Variants in CDH18 observed in about 807,000 individuals in gnomAD.
The protein encoded by CDH18 is cadherin-18.
CDH18 carries 31 observed loss-of-function variants against 67.9 expected under a neutral mutation model. The ratio of observed to expected loss-of-function variants is 0.46; its 90% confidence interval spans 0.34 to 0.62. The LOEUF is 0.62. Among genes scored for constraint, CDH18 ranks in the 20% least tolerant of loss-of-function variants. CDH18 has a pLI of 0.01. For synonymous variants in CDH18, 362 were observed against 347.2 expected (o/e 1.04, Z -0.48); for missense variants, 890 against 975.5 (o/e 0.91, Z 1.17).
intron 8 of CDH18, among the ~76,000 whole-genome samples, chr5:19,550,772 T>C (rs1737293262): frequency 6.6e-6 from 1 of 152,190 alleles, no homozygotes; most frequent in South Asian, 2.1e-4. Context: ...CCTTTGGGTA[T>C]ATACCCAGTA....
chr5:20,371,669 A>G (rs1016189989), intron 1 of CDH18, among the ~76,000 whole-genome samples: 1 of 152,234 alleles, frequency 6.6e-6, no homozygotes, highest in Non-Finnish European at 1.5e-5. Flanking sequence ...AGACATAAGA[A>G]CGTTCACATG....
intron 1 of CDH18, among the ~76,000 whole-genome samples, chr5:20,257,830 A>C (rs560671895): frequency 2.6e-5 from 4 of 152,262 alleles, no homozygotes; most frequent in African/African-American, 9.6e-5. Flanking sequence ...TGTGTGCCTA[A>C]TGTTTTAAAA....
At chr5:20,116,511 C>A (rs60298879) in intron 2 of CDH18, among the ~76,000 whole-genome samples, 1 of 150,132 alleles carries the variant, frequency 6.7e-6, no homozygotes, top group African/African-American at 2.5e-5. Flanking sequence ...GAGAGACTCC[C>A]TCTTAAAAAA....
intron 3 of CDH18, among the ~76,000 whole-genome samples, chr5:19,776,901 C>T (rs1285513995): frequency 6.6e-6 from 1 of 152,144 alleles, no homozygotes; most frequent in Non-Finnish European, 1.5e-5. Context: ...AATCACTCAT[C>T]ATTATGTCCA....
intron 5 of CDH18, among the ~76,000 whole-genome samples, chr5:19,636,646 A>G (rs1380923696): frequency 6.6e-6 from 1 of 151,846 alleles, no homozygotes; most frequent in African/African-American, 2.4e-5. Context: ...TATAAAGATA[A>G]AAAATATTTA....
chr5:20,171,906 G>T (rs1736747055), intron 2 of CDH18, among the ~76,000 whole-genome samples: 2 of 150,560 alleles, frequency 1.3e-5, no homozygotes, highest in South Asian at 4.2e-4. Context: ...TTTATATGGT[G>T]TAAGGAAAGG....
At chr5:20,420,543 T>A (rs1394331599) in intron 1 of CDH18, among the ~76,000 whole-genome samples, 4 of 151,334 alleles carry the variant, frequency 2.6e-5, no homozygotes, top group Middle Eastern at 6.8e-3. Context: ...GATAAATACT[T>A]GTGAAATAAA....
intron 2 of CDH18, among the ~76,000 whole-genome samples, chr5:20,117,472 T>C (rs573290749): frequency 2.0e-5 from 3 of 152,190 alleles, no homozygotes; most frequent in Non-Finnish European, 4.4e-5. Flanking sequence ...AATCTGACCT[T>C]TACAATACAG....
chr5:20,316,689 A>G (rs536744278), intron 1 of CDH18, among the ~76,000 whole-genome samples: 1 of 152,174 alleles, frequency 6.6e-6, no homozygotes, highest in Non-Finnish European at 1.5e-5. Context: ...CAGAAAGGAG[A>G]TGGTAGAAGA....
At chr5:19,727,505 G>A (rs1267888410) in intron 4 of CDH18, among the ~76,000 whole-genome samples, 1 of 152,170 alleles carries the variant, frequency 6.6e-6, no homozygotes, top group African/African-American at 2.4e-5. Context: ...TCTGTTCAGA[G>A]AGAACAAACT....
intron 3 of CDH18, among the ~76,000 whole-genome samples, chr5:19,775,184 G>A (rs1774211824): frequency 6.6e-6 from 1 of 152,152 alleles, no homozygotes. Flanking sequence ...AAGCCATGGT[G>A]AAGATGAGGA....
intron 2 of CDH18, among the ~76,000 whole-genome samples, chr5:20,088,757 T>C (rs979793887): frequency 1.3e-5 from 2 of 152,196 alleles, no homozygotes; most frequent in Non-Finnish European, 2.9e-5. Flanking sequence ...GCTGAAAGCA[T>C]GCTAACAAAT....
chr5:19,694,697 G>A (rs1762323232), intron 5 of CDH18, among the ~76,000 whole-genome samples: 1 of 150,830 alleles, frequency 6.6e-6, no homozygotes, highest in South Asian at 2.1e-4. Context: ...TTATTTTTTT[G>A]TTCCTATTGT....
chr5:19,939,992 T>C (rs76932286), intron 2 of CDH18, among the ~76,000 whole-genome samples: 2 of 151,984 alleles, frequency 1.3e-5, no homozygotes, highest in East Asian at 3.9e-4. Flanking sequence ...ATAGTTCCTA[T>C]TTTAACAAGT....
intron 2 of CDH18, among the ~76,000 whole-genome samples, chr5:20,023,019 A>G (rs2150436678): frequency 6.6e-6 from 1 of 152,304 alleles, no homozygotes; most frequent in South Asian, 2.1e-4. Context: ...TATTTGATAC[A>G]CATTTCTTTC....
rs116065990 is a variant in CDH18 at position 19,606,746 on chromosome 5, T to C, written c.811+5688A>G. 7.1e-3 allele frequency among the ~76,000 whole-genome samples: 1,084 copies of C among 151,822 alleles called. 13 individuals are homozygous for C. Among genetic ancestry groups the C allele is most frequent in the African/African-American group, 0.025 (1,026 of 41,498 alleles). On this transcript the variant is annotated intron_variant, in intron 6 of 12. Transcript: ENST00000382275. ...CTTTGTAGAACTAATAGAAAAGAAGTGAGAAAATGAGGTCGAAGAAATACT... is the reference window on the plus strand; with the variant it reads ...CTTTGTAGAACTAATAGAAAAGAAGCGAGAAAATGAGGTCGAAGAAATACT...
At chr5:19,961,711 C>T (rs1796922555) in intron 2 of CDH18, among the ~76,000 whole-genome samples, 1 of 151,836 alleles carries the variant, frequency 6.6e-6, no homozygotes, top group African/African-American at 2.4e-5. Context: ...TGTCTGTTGC[C>T]TGTTGTCTTT....
At chr5:19,553,128 C>A (rs1737761378) in intron 8 of CDH18, among the ~76,000 whole-genome samples, 1 of 152,116 alleles carries the variant, frequency 6.6e-6, no homozygotes, top group Non-Finnish European at 1.5e-5. Flanking sequence ...TTTAAACAAA[C>A]CATGCAGGTC....
chr5:19,477,082 G>C (rs2126529683), intron 12 of CDH18, among the ~76,000 whole-genome samples: 1 of 150,098 alleles, frequency 6.7e-6, no homozygotes, highest in East Asian at 1.9e-4. Context: ...TTATTTGCTA[G>C]TATTCAGTGA....
Sources: allele counts gnomAD v4.1 joint callset (sites outside exome capture counted in the v4.1 genomes callset), GRCh38; gene constraint gnomAD v4.1.1; transcripts MANE v1.5; gene names NCBI Gene and HGNC (gene_info 2026-07-23, HGNC 2026-07-21).